Variants in HSD17B12 observed in about 807,000 individuals in gnomAD.
HSD17B12 encodes the protein hydroxysteroid 17-beta dehydrogenase 12, also known as very-long-chain 3-oxoacyl-CoA reductase.
HSD17B12 carries 32 observed loss-of-function variants against 39.3 expected under a neutral mutation model. That is an observed-to-expected ratio of 0.81 (90% CI 0.61 to 1.09). The LOEUF (loss-of-function observed/expected upper bound fraction) is 1.09, where lower values mean the gene tolerates loss of function less well. Ranked by LOEUF, HSD17B12 falls within the 50% of genes least tolerant of loss-of-function variation. HSD17B12 has a pLI of 0.00. For missense variants in HSD17B12, 342 were observed against 382.9 expected (o/e 0.89, Z 0.89); for synonymous variants, 150 against 146.7 (o/e 1.02, Z -0.16).
At chr11:43,790,028 A>G (rs867190712) in intron 3 of HSD17B12, among the ~76,000 whole-genome samples, 2 of 152,212 alleles carry the variant, frequency 1.3e-5, no homozygotes, top group South Asian at 4.1e-4. Context: ...ACCATTGATC[A>G]TGAAGCAACA....
chr11:43,854,887 A>T, intron 10 of HSD17B12, 23 bp downstream of exon 10: 1 of 1,610,734 alleles, frequency 6.2e-7, no homozygotes, highest in Non-Finnish European at 8.5e-7. Flanking sequence ...TTTGAATCAC[A>T]AATCAATACT....
intron 4 of HSD17B12, among the ~76,000 whole-genome samples, chr11:43,805,302 A>G (rs188654656): frequency 1.1e-4 from 17 of 152,340 alleles, no homozygotes; most frequent in Non-Finnish European, 1.9e-4. Context: ...TATTGGAACT[A>G]GTATATTCAG....
chr11:43,743,744 G>A (rs933840463), intron 1 of HSD17B12, among the ~76,000 whole-genome samples: 47 of 152,284 alleles, frequency 3.1e-4, no homozygotes, highest in African/African-American at 9.1e-4. Context: ...TGATTGGCCC[G>A]TTGATTGCAT....
the HSD17B12 span, among the ~76,000 whole-genome samples, chr11:43,633,230 A>G: frequency 6.6e-6 from 1 of 152,172 alleles, no homozygotes; most frequent in Non-Finnish European, 1.5e-5. Context: ...AATCAATAAA[A>G]TCACAATTTA....
chr11:43,732,970 G>A lies in HSD17B12; in HGVS notation c.161-17941G>A, dbSNP rs140033883. 2.2e-3 allele frequency among the ~76,000 whole-genome samples: 335 copies of A among 152,234 alleles called. 1 individual carries two copies. The highest frequency in any genetic ancestry group is 7.7e-3 in the African/African-American group (320 of 41,532). Reference sequence around the variant, plus strand: ...TTTAAAAAGTGGCTGATGGGAATGAGGAATAAAGAAAAATGTCATTCTCAG... The same window carrying A: ...TTTAAAAAGTGGCTGATGGGAATGAAGAATAAAGAAAAATGTCATTCTCAG... On this transcript the variant is annotated intron_variant, in intron 1 of 10. Transcript: ENST00000278353.
intron 1 of HSD17B12, among the ~76,000 whole-genome samples, chr11:43,687,089 T>C (rs769467943): frequency 8.5e-5 from 13 of 152,228 alleles, no homozygotes; most frequent in Non-Finnish European, 1.9e-4. Context: ...TTTGAATAGA[T>C]CAGTTTCAGT....
chr11:43,594,791 C>T, the HSD17B12 span, among the ~76,000 whole-genome samples: 6 of 152,112 alleles, frequency 3.9e-5, no homozygotes, highest in African/African-American at 1.4e-4. Context: ...CAGAATGTCA[C>T]ATTCCCTTGC....
the HSD17B12 span, among the ~76,000 whole-genome samples, chr11:43,646,899 T>C: frequency 2.6e-5 from 4 of 152,240 alleles, no homozygotes; most frequent in Non-Finnish European, 5.9e-5. Context: ...AATCTACTTA[T>C]GTTTTCTGGA....
chr11:43,686,261 G>T (rs1949797763), intron 1 of HSD17B12, among the ~76,000 whole-genome samples: 2 of 152,296 alleles, frequency 1.3e-5, no homozygotes, highest in Middle Eastern at 3.4e-3. Context: ...GCAGAGGCAG[G>T]GAAGGTGAGG....
chr11:43,754,535 C>T (rs573265479), intron 3 of HSD17B12, among the ~76,000 whole-genome samples: 1 of 152,300 alleles, frequency 6.6e-6, no homozygotes, highest in Non-Finnish European at 1.5e-5. Flanking sequence ...AAGATAGTCC[C>T]ACTGCACTCC....
At chr11:43,570,347 A>G in the HSD17B12 span, 1 of 152,244 alleles carries the variant, frequency 6.6e-6, no homozygotes, top group Non-Finnish European at 1.5e-5. Context: ...TGAATACAGG[A>G]TGAAATCATC....
At chr11:43,679,152 T>A (rs1456383405), upstream of HSD17B12, among the ~76,000 whole-genome samples, 1 of 152,250 alleles carries the variant, frequency 6.6e-6, no homozygotes, top group Non-Finnish European at 1.5e-5. Context: ...GTCCTTCACA[T>A]CCCTTGTAAG....
At chr11:43,623,925 T>A in the HSD17B12 span, among the ~76,000 whole-genome samples, 3 of 152,112 alleles carry the variant, frequency 2.0e-5, no homozygotes, top group East Asian at 5.8e-4. Flanking sequence ...ATGCAGTTTT[T>A]AAAAAAACAG....
the HSD17B12 span, among the ~76,000 whole-genome samples, chr11:43,578,322 C>T: frequency 6.6e-6 from 1 of 152,194 alleles, no homozygotes; most frequent in African/African-American, 2.4e-5. Flanking sequence ...CAGCCTCTGG[C>T]TTTAGTGACC....
At chr11:43,688,843 G>A (rs1319594153) in intron 1 of HSD17B12, among the ~76,000 whole-genome samples, 1 of 152,104 alleles carries the variant, frequency 6.6e-6, no homozygotes, top group South Asian at 2.1e-4. Flanking sequence ...GATACTTTTC[G>A]GGATTATTAT....
chr11:43,563,853 G>A, the HSD17B12 span, among the ~76,000 whole-genome samples: 2 of 152,042 alleles, frequency 1.3e-5, no homozygotes, highest in African/African-American at 4.8e-5. Flanking sequence ...AGTCCCAGTG[G>A]TCATTAGTAA....
chr11:43,728,100 C>T (rs1359840782), intron 1 of HSD17B12, among the ~76,000 whole-genome samples: 3 of 151,732 alleles, frequency 2.0e-5, no homozygotes, highest in Admixed American at 1.3e-4. Flanking sequence ...GAATCTTGCT[C>T]TGTCACTCAG....
chr11:43,764,107 A>C (rs1006369272), intron 3 of HSD17B12, among the ~76,000 whole-genome samples: 5 of 152,274 alleles, frequency 3.3e-5, no homozygotes, highest in Non-Finnish European at 4.4e-5. Context: ...TAAAGTTATC[A>C]AACCAGTTTT....
chr11:43,727,997 A>G (rs1238514329), intron 1 of HSD17B12, among the ~76,000 whole-genome samples: 1 of 151,914 alleles, frequency 6.6e-6, no homozygotes, highest in Admixed American at 6.6e-5. Flanking sequence ...AATTAAGCAG[A>G]CATCTCAATT....
Sources: gnomAD v4.1 joint callset for allele counts (sites outside exome capture counted in the v4.1 genomes callset) on GRCh38, gnomAD v4.1.1 for gene constraint, MANE v1.5 for transcripts, NCBI Gene and HGNC (gene_info 2026-07-23, HGNC 2026-07-21) for gene names.